Variants in LUZP2 observed in about 807,000 individuals in gnomAD.
LUZP2 encodes leucine zipper protein 2.
Under a neutral mutation model 51.6 loss-of-function variants are expected in LUZP2, and 52 were observed. The observed-to-expected ratio is 1.01, with a 90% CI of 0.81 to 1.27. LUZP2 has a LOEUF of 1.27. Ranked by LOEUF, LUZP2 falls within the 50% of genes most tolerant of loss-of-function variation. The probability of loss-of-function intolerance (pLI) is 0.00; values close to 1 mark genes in which losing one functional copy is unlikely to be tolerated. For missense variants in LUZP2, 436 were observed against 395.4 expected (o/e 1.10, Z -0.87); for synonymous variants, 154 against 137.3 (o/e 1.12, Z -0.85).
intron 1 of LUZP2, among the ~76,000 whole-genome samples, chr11:24,539,540 C>T (rs907618233): frequency 1.3e-5 from 2 of 151,932 alleles, no homozygotes; most frequent in African/African-American, 4.8e-5. Context: ...TTTATAAATA[C>T]TCTCCTCCTC....
At chr11:24,788,813 G>T (rs1249019361) in intron 5 of LUZP2, among the ~76,000 whole-genome samples, 1 of 152,000 alleles carries the variant, frequency 6.6e-6, no homozygotes, top group Non-Finnish European at 1.5e-5. Context: ...TCTTGCTCTT[G>T]CTCTTGCTCC....
chr11:24,524,541 T>C (rs1850734198), intron 1 of LUZP2, among the ~76,000 whole-genome samples: 1 of 151,756 alleles, frequency 6.6e-6, no homozygotes, highest in Non-Finnish European at 1.5e-5. Context: ...CTGAAGTCTT[T>C]TGAAAACCAT....
At chr11:24,622,559 G>T (rs1376441055) in intron 1 of LUZP2, among the ~76,000 whole-genome samples, 7 of 151,846 alleles carry the variant, frequency 4.6e-5, no homozygotes, top group Admixed American at 4.6e-4. Flanking sequence ...GAAACAACAG[G>T]GTCTTATCAC....
chr11:24,821,630 T>A (rs2134158802), intron 5 of LUZP2, among the ~76,000 whole-genome samples: 1 of 152,256 alleles, frequency 6.6e-6, no homozygotes, highest in South Asian at 2.1e-4. Flanking sequence ...GATTTCTGTC[T>A]TCTGTCAGTT....
At position 24,974,485 on chromosome 11, in the gene LUZP2, C is replaced by G. The variant is rs184252016; in HGVS notation, c.523-2106C>G. On this transcript the variant is annotated intron_variant, in intron 7 of 11. Coordinates refer to ENST00000336930, the MANE Select transcript of LUZP2 (RefSeq NM_001009909.4). ...ATTTGATTCTGTCATGATGCTGAAA[C>G]TAGCATTTTCTTACACATTAAAAAG... is the stretch of plus-strand genomic sequence containing the variant. Among the ~76,000 whole-genome samples the G allele has an allele frequency of 9.8e-3, 399 of 40,682 alleles. 1 individual carries two copies. The highest frequency in any genetic ancestry group is 0.025 in the Non-Finnish European group (280 of 11,362). 26.7% of individuals were successfully genotyped at this position (40,682 alleles called of 152,430 possible). A position where few individuals can be genotyped will look rare whatever the true frequency, so the allele number is the denominator to read the frequency against.
chr11:24,737,063 C>T (rs368148965), intron 3 of LUZP2, among the ~76,000 whole-genome samples: 46 of 152,122 alleles, frequency 3.0e-4, no homozygotes, highest in Middle Eastern at 3.4e-3. Context: ...GGTGAAAGAG[C>T]AGCTTATGGT....
intron 4 of LUZP2, among the ~76,000 whole-genome samples, chr11:24,738,986 G>T (rs1256049957): frequency 6.6e-6 from 1 of 152,024 alleles, no homozygotes; most frequent in Non-Finnish European, 1.5e-5. Flanking sequence ...TTGTTTTCAA[G>T]ATCTGAGTCT....
chr11:24,522,250 G>T (rs1244507448), intron 1 of LUZP2, among the ~76,000 whole-genome samples: 1 of 151,860 alleles, frequency 6.6e-6, no homozygotes, highest in Non-Finnish European at 1.5e-5. Flanking sequence ...CAGAAGACAG[G>T]CATTTGGCAT....
intron 4 of LUZP2, among the ~76,000 whole-genome samples, chr11:24,760,405 A>G (rs1200997236): frequency 6.6e-6 from 1 of 152,130 alleles, no homozygotes; most frequent in Non-Finnish European, 1.5e-5. Context: ...CTTTTGGGTT[A>G]CAGTGGTGAT....
chr11:24,691,722 G>C (rs1418276467), intron 1 of LUZP2, among the ~76,000 whole-genome samples: 1 of 152,004 alleles, frequency 6.6e-6, no homozygotes, highest in Non-Finnish European at 1.5e-5. Context: ...GACTTAACAA[G>C]TTGTTATTTG....
chr11:25,066,847 T>C (rs1311808000), intron 10 of LUZP2, among the ~76,000 whole-genome samples: 1 of 152,006 alleles, frequency 6.6e-6, no homozygotes, highest in Non-Finnish European at 1.5e-5. Context: ...ATTGTTTTCA[T>C]GAAAAATTGT....
At chr11:24,702,571 G>A (rs1159412386) in intron 1 of LUZP2, among the ~76,000 whole-genome samples, 2 of 152,252 alleles carry the variant, frequency 1.3e-5, no homozygotes, top group African/African-American at 2.4e-5. Flanking sequence ...AGAGACAGAA[G>A]GGGGAGGCCC....
chr11:24,606,040 AT>A (rs1177353497), intron 1 of LUZP2, among the ~76,000 whole-genome samples: 1 of 151,882 alleles, frequency 6.6e-6, no homozygotes, highest in Admixed American at 6.6e-5. Context: ...GAATCTTCAT[AT>A]TTTTTATAGC....
chr11:24,758,976 A>G (rs1323035709), intron 4 of LUZP2, among the ~76,000 whole-genome samples: 2 of 152,104 alleles, frequency 1.3e-5, no homozygotes, highest in Non-Finnish European at 2.9e-5. Context: ...ATCTTTCTTG[A>G]TCTAATTCTG....
chr11:24,578,488 T>C (rs1178709600), intron 1 of LUZP2, among the ~76,000 whole-genome samples: 1 of 151,844 alleles, frequency 6.6e-6, no homozygotes, highest in Non-Finnish European at 1.5e-5. Flanking sequence ...TGCATGCATA[T>C]GTTTATTGCA....
At chr11:24,795,966 T>C (rs577293067) in intron 5 of LUZP2, among the ~76,000 whole-genome samples, 1 of 152,126 alleles carries the variant, frequency 6.6e-6, no homozygotes, top group East Asian at 1.9e-4. Context: ...CAAGAACTTC[T>C]CAGGTGATCC....
chr11:25,054,338 G>T (rs1858613899), intron 10 of LUZP2, among the ~76,000 whole-genome samples: 1 of 152,138 alleles, frequency 6.6e-6, no homozygotes, highest in African/African-American at 2.4e-5. Flanking sequence ...TTTCAATAAA[G>T]TTCAACTCAT....
intron 1 of LUZP2, chr11:24,701,461 G>C (rs1414358099): frequency 6.0e-6 from 1 of 166,268 alleles, no homozygotes; most frequent in Admixed American, 6.6e-5. Context: ...AGGGAAAATA[G>C]GCAAAAATGG....
intron 9 of LUZP2, among the ~76,000 whole-genome samples, chr11:25,049,653 T>C (rs922963089): frequency 6.6e-6 from 1 of 152,062 alleles, no homozygotes; most frequent in Non-Finnish European, 1.5e-5. Context: ...GTTATTTTCT[T>C]ATTCACATAT....
Sources: allele counts gnomAD v4.1 joint callset (sites outside exome capture counted in the v4.1 genomes callset), GRCh38; gene constraint gnomAD v4.1.1; transcripts MANE v1.5; gene names NCBI Gene and HGNC (gene_info 2026-07-23, HGNC 2026-07-21).